Variants in SIL1 observed in about 807,000 individuals in gnomAD.
SIL1 encodes nucleotide exchange factor SIL1.
SIL1 carries 40 observed loss-of-function variants against 49.1 expected under a neutral mutation model. That is an observed-to-expected ratio of 0.81 (90% CI 0.63 to 1.06). The LOEUF (loss-of-function observed/expected upper bound fraction) is 1.06, where lower values mean the gene tolerates loss of function less well. Among genes scored for constraint, SIL1 ranks in the 50% least tolerant of loss-of-function variants. The pLI, the probability that SIL1 is intolerant of heterozygous loss-of-function variation, is 0.00. For synonymous variants in SIL1, 253 were observed against 250.8 expected, an observed-to-expected ratio of 1.01 and a Z score of -0.08; for missense variants, 500 against 572.6, an observed-to-expected ratio of 0.87 and a Z score of 1.29.
At chr5:139,192,684 G>A (rs1752195048) in intron 1 of SIL1, among the ~76,000 whole-genome samples, 1 of 152,102 alleles carries the variant, frequency 6.6e-6, no homozygotes, top group South Asian at 2.1e-4. Context: ...CCAAAGACTG[G>A]AAGAAAATTA....
At chr5:139,162,840 C>T (rs902429705) in intron 1 of SIL1, among the ~76,000 whole-genome samples, 1 of 151,870 alleles carries the variant, frequency 6.6e-6, no homozygotes, top group African/African-American at 2.4e-5. Context: ...ACAGAGTCAA[C>T]AAGAAGCAGA....
At chr5:139,138,129 G>GCA (rs1561876688) in intron 1 of SIL1, among the ~76,000 whole-genome samples, 4 of 119,694 alleles carry the variant, frequency 3.3e-5, no homozygotes, top group African/African-American at 1.1e-4. Flanking sequence ...CCAGTGCCAG[G>GCA]CACACACACA....
intron 1 of SIL1, among the ~76,000 whole-genome samples, chr5:139,145,330 T>C (rs1751170157): frequency 2.0e-5 from 3 of 152,062 alleles, no homozygotes; most frequent in African/African-American, 7.2e-5. Context: ...AAATAACAAG[T>C]GTTGGTGAAG....
At chr5:138,976,606 C>T (rs1053632967) in intron 7 of SIL1, among the ~76,000 whole-genome samples, 2 of 152,056 alleles carry the variant, frequency 1.3e-5, no homozygotes, top group African/African-American at 2.4e-5. Flanking sequence ...TGAGCCACCA[C>T]GCAGGCCATT....
rs879437180 is a variant in SIL1, at chr5:139,026,847, T to G, written c.599A>C (p.Glu200Ala). 1 of 1,614,158 alleles carries G rather than the reference T, an allele frequency of 6.2e-7. No individual in the cohort carries two copies. The highest frequency in any genetic ancestry group is 8.5e-7 in the Non-Finnish European group (1 of 1,180,010). The change falls in exon 6 of 10, where the codon GAA becomes GCA. Residue 200 changes from glutamate (E) to alanine (A), a missense_variant. Coordinates refer to ENST00000394817, the MANE Select transcript of SIL1 (RefSeq NM_022464.5). ...ATCAAAGAGCGCAGCAATCTTCTCT[T>G]CCAAACTGGAGCTGGAACTATTGAA... ...NKFNSSSSSL[E>A]EKIAALFDLE... is the part of the protein sequence containing the mutation.
intron 7 of SIL1, among the ~76,000 whole-genome samples, chr5:138,967,049 A>T (rs1227217724): frequency 6.6e-6 from 1 of 152,180 alleles, no homozygotes; most frequent in Non-Finnish European, 1.5e-5. Context: ...GGTGTTTACT[A>T]TTATGATGCC....
At chr5:139,081,722 T>C (rs1040609825) in intron 3 of SIL1, among the ~76,000 whole-genome samples, 6 of 150,620 alleles carry the variant, frequency 4.0e-5, no homozygotes, top group Admixed American at 3.3e-4. Flanking sequence ...CTACTAAAAA[T>C]ACAAAAATTG....
chr5:138,956,109 C>T (rs530521306), intron 7 of SIL1, among the ~76,000 whole-genome samples: 1 of 152,334 alleles, frequency 6.6e-6, no homozygotes, highest in African/African-American at 2.4e-5. Context: ...TTTCTAAGTG[C>T]AACAAATACT....
intron 4 of SIL1, among the ~76,000 whole-genome samples, chr5:139,046,327 A>T (rs531402784): frequency 7.6e-6 from 1 of 130,902 alleles, no homozygotes; most frequent in East Asian, 2.0e-4. Context: ...ACACCGTCTT[A>T]TGGGGAAAAA....
At chr5:139,142,237 T>G (rs1751094843) in intron 1 of SIL1, among the ~76,000 whole-genome samples, 2 of 152,232 alleles carry the variant, frequency 1.3e-5, no homozygotes, top group African/African-American at 4.8e-5. Flanking sequence ...ACACTAATCC[T>G]TCTCAAACTC....
In SIL1 at chr5:139,129,539, G is replaced by C. The variant is rs1750819337; in HGVS notation, c.-10-1686C>G. 2.0e-5 allele frequency among the ~76,000 whole-genome samples: 3 copies of C among 152,176 alleles called. No homozygotes were observed. The South Asian group carries it at 6.2e-4, about 32-fold the overall frequency. ...CACAAAAAATTAGCTGAGCATGGTG[G>C]CGGGTGCCTGTAGTCCCAGCTACTC... On this transcript the variant is annotated intron_variant, in intron 1 of 9. Transcript: ENST00000394817.
chr5:139,121,774 C>T (rs538581385), intron 2 of SIL1, among the ~76,000 whole-genome samples: 67 of 152,230 alleles, frequency 4.4e-4, no homozygotes, highest in Admixed American at 2.4e-3. Context: ...TCCAGCTGGG[C>T]TGAGGGAGGA....
chr5:139,063,907 A>G (rs980352315), intron 3 of SIL1, among the ~76,000 whole-genome samples: 2 of 152,236 alleles, frequency 1.3e-5, no homozygotes, highest in Non-Finnish European at 2.9e-5. Flanking sequence ...AAAACCACTC[A>G]TTAGTCAAAT....
intron 1 of SIL1, among the ~76,000 whole-genome samples, chr5:139,168,176 G>C (rs1751662049): frequency 6.6e-6 from 1 of 152,172 alleles, no homozygotes; most frequent in Non-Finnish European, 1.5e-5. Context: ...TACCATCTAG[G>C]TTTATGTAAG....
At chr5:139,179,501 A>G (rs1233165356) in intron 1 of SIL1, among the ~76,000 whole-genome samples, 1 of 152,210 alleles carries the variant, frequency 6.6e-6, no homozygotes, top group Non-Finnish European at 1.5e-5. Flanking sequence ...TAAAGCTCTA[A>G]TTAAGGCCAT....
At chr5:139,165,687 C>A (rs1751603712) in intron 1 of SIL1, among the ~76,000 whole-genome samples, 1 of 151,414 alleles carries the variant, frequency 6.6e-6, no homozygotes, top group African/African-American at 2.4e-5. Flanking sequence ...GAGACGGGGT[C>A]TCACCCTGTC....
chr5:139,080,043 T>A (rs1453473401), intron 3 of SIL1, among the ~76,000 whole-genome samples: 1 of 151,920 alleles, frequency 6.6e-6, no homozygotes, highest in African/African-American at 2.4e-5. Context: ...CTTACATAAC[T>A]GAAAGCTACC....
Position 139,126,714 on chromosome 5 carries a change from T to A in SIL1, c.105+1025A>T, listed in dbSNP as rs528975349. 2.0e-5 allele frequency among the ~76,000 whole-genome samples: 3 copies of A among 152,036 alleles called. No individual in the cohort carries two copies. In the East Asian group the frequency reaches 5.8e-4, roughly 29 times the overall value. On this transcript the variant is annotated intron_variant, in intron 2 of 9. Transcript: ENST00000394817. ...GTATGTTTTCCCCTGCTCCACGAAG[T>A]GGGGGGAAAGGCAGAGAGGAAACAA...
chr5:139,150,784 C>T (rs577036072), intron 1 of SIL1, among the ~76,000 whole-genome samples: 12 of 152,286 alleles, frequency 7.9e-5, no homozygotes, highest in African/African-American at 2.9e-4. Context: ...CTGGTGCTGG[C>T]GTGAGTCCTC....
Sources: allele counts gnomAD v4.1 joint callset (sites outside exome capture counted in the v4.1 genomes callset), GRCh38; gene constraint gnomAD v4.1.1; transcripts MANE v1.5; gene names NCBI Gene and HGNC (gene_info 2026-07-23, HGNC 2026-07-21).